Variants in HPSE2 observed in about 807,000 individuals in gnomAD.
HPSE2 encodes the protein heparanase 2 (inactive), also known as inactive heparanase-2.
A neutral mutation model predicts 60.5 loss-of-function variants in HPSE2; 38 were observed. The observed-to-expected ratio is 0.63, with a 90% CI of 0.48 to 0.82. The LOEUF (loss-of-function observed/expected upper bound fraction) is 0.82, where lower values mean the gene tolerates loss of function less well. Among genes scored for constraint, HPSE2 ranks in the 40% least tolerant of loss-of-function variants. The pLI is 0.00. For missense variants in HPSE2, 713 were observed against 740.4 expected (o/e 0.96, Z 0.43); for synonymous variants, 295 against 293.2 (o/e 1.01, Z -0.06).
chr10:98,893,666 G>A (rs1319815285), intron 3 of HPSE2, among the ~76,000 whole-genome samples: 1 of 152,068 alleles, frequency 6.6e-6, no homozygotes, highest in Non-Finnish European at 1.5e-5. Context: ...TAGTGAGCTG[G>A]TAAGAAAGTA....
At chr10:98,877,436 C>T (rs908504136) in intron 3 of HPSE2, among the ~76,000 whole-genome samples, 2 of 151,812 alleles carry the variant, frequency 1.3e-5, no homozygotes, top group Non-Finnish European at 2.9e-5. Flanking sequence ...AATCCTAGCT[C>T]CATTGCTTCT....
intron 7 of HPSE2, among the ~76,000 whole-genome samples, chr10:98,625,255 T>C (rs1400210755): frequency 6.6e-6 from 1 of 152,140 alleles, no homozygotes; most frequent in African/African-American, 2.4e-5. Context: ...AAAACGACCT[T>C]AGAGATCAGG....
chr10:99,101,661 C>A (rs551625628), intron 3 of HPSE2, among the ~76,000 whole-genome samples: 2 of 152,178 alleles, frequency 1.3e-5, no homozygotes, highest in Admixed American at 1.3e-4. Flanking sequence ...AACTCTCCAC[C>A]CCAAATCAAC....
At chr10:98,840,957 T>C (rs76470102) in intron 3 of HPSE2, among the ~76,000 whole-genome samples, 5,108 of 152,330 alleles carry the variant, frequency 0.034, 107 homozygotes, top group Middle Eastern at 0.065. Context: ...TTAACACTTA[T>C]GAACTTAAAA....
intron 3 of HPSE2, among the ~76,000 whole-genome samples, chr10:98,798,040 A>G (rs1950820617): frequency 6.6e-6 from 1 of 152,138 alleles, no homozygotes; most frequent in African/African-American, 2.4e-5. Flanking sequence ...AAGCTCCCAA[A>G]GGTCAAGAAT....
At position 98,923,932 on chromosome 10, in the gene HPSE2, T is replaced by C. The variant is rs138110826; in HGVS notation, c.611-179876A>G. ...ACCTCATTTAGTTCATTTGGTGAAG[T>C]AATGTTTTCCTGAATGATGTTGGCA... On this transcript the variant is annotated intron_variant, in intron 3 of 11. Coordinates refer to ENST00000370552, the MANE Select transcript of HPSE2 (RefSeq NM_021828.5). Among the ~76,000 whole-genome samples, 11 of 152,318 alleles carry C rather than the reference T, an allele frequency of 7.2e-5. No individual in the cohort carries two copies. In the East Asian group the frequency reaches 2.1e-3, roughly 29 times the overall value.
chr10:99,274,557 T>C, the HPSE2 span, among the ~76,000 whole-genome samples: 2 of 152,174 alleles, frequency 1.3e-5, no homozygotes, highest in Admixed American at 1.3e-4. Flanking sequence ...TACTTAAATA[T>C]GTCAAGCCTG....
rs35286605 is a variant in HPSE2, at chr10:98,628,917, G to GAA, written c.1099-8211_1099-8210dup. On this transcript the variant is annotated intron_variant, in intron 7 of 11. Coordinates refer to ENST00000370552, the MANE Select transcript of HPSE2 (RefSeq NM_021828.5). ...CACTTTGAATTAAAAAAAGAAAAAA[G>GAA]AAAAAAAAAACAGTAAAAATAAGAA... Among the ~76,000 whole-genome samples, 15 of 148,890 alleles carry GAA rather than the reference G, an allele frequency of 1.0e-4. No homozygotes were observed. The South Asian group carries it at 1.7e-3, about 17-fold the overall frequency.
intron 3 of HPSE2, among the ~76,000 whole-genome samples, chr10:99,029,977 C>T (rs1301274387): frequency 6.6e-6 from 1 of 152,212 alleles, no homozygotes; most frequent in Non-Finnish European, 1.5e-5. Flanking sequence ...TTCCCAGACA[C>T]TGGTGTCACC....
chr10:99,251,862 CAAAA>C, the HPSE2 span, among the ~76,000 whole-genome samples: 2,138 of 57,230 alleles, frequency 0.037, 50 homozygotes, highest in African/African-American at 0.13. Context: ...CTCTCTCTAC[CAAAA>C]AAAAAAAAAA....
intron 10 of HPSE2, among the ~76,000 whole-genome samples, chr10:98,488,274 C>T (rs946392724): frequency 1.3e-5 from 2 of 152,114 alleles, no homozygotes; most frequent in African/African-American, 2.4e-5. Context: ...TGGCTGATGT[C>T]GTAATATCAA....
chr10:99,202,012 C>T (rs2805375), intron 2 of HPSE2, among the ~76,000 whole-genome samples: 131,841 of 152,170 alleles, frequency 0.87, 57,399 homozygotes, highest in African/African-American at 0.94. Context: ...GTAAATAAAA[C>T]GAGATCACTG....
At chr10:98,637,703 G>T (rs756671370) in intron 7 of HPSE2, among the ~76,000 whole-genome samples, 5 of 152,152 alleles carry the variant, frequency 3.3e-5, no homozygotes, top group Non-Finnish European at 7.3e-5. Flanking sequence ...CTCCCACATG[G>T]CGTCATTTTG....
intron 9 of HPSE2, among the ~76,000 whole-genome samples, chr10:98,550,503 C>G (rs960565296): frequency 6.6e-6 from 1 of 150,502 alleles, no homozygotes; most frequent in Non-Finnish European, 1.5e-5. Context: ...GAGTCTTGCT[C>G]TGTTGCCCAG....
chr10:98,974,111 A>C (rs1956027356), intron 3 of HPSE2, among the ~76,000 whole-genome samples: 1 of 151,766 alleles, frequency 6.6e-6, no homozygotes. Flanking sequence ...GCCAACATGG[A>C]AAAACCCCAT....
intron 3 of HPSE2, among the ~76,000 whole-genome samples, chr10:99,079,970 T>G (rs1275782057): frequency 6.6e-6 from 1 of 152,164 alleles, no homozygotes; most frequent in Non-Finnish European, 1.5e-5. Context: ...AGGAGGTTTC[T>G]TTCTGATTGT....
chr10:99,268,255 T>C, the HPSE2 span, among the ~76,000 whole-genome samples: 1 of 152,138 alleles, frequency 6.6e-6, no homozygotes, highest in Non-Finnish European at 1.5e-5. Flanking sequence ...GATGAGAGAA[T>C]TTGCCACTAC....
chr10:99,261,056 T>C, the HPSE2 span, among the ~76,000 whole-genome samples: 1 of 152,190 alleles, frequency 6.6e-6, no homozygotes, highest in Non-Finnish European at 1.5e-5. Context: ...TGTCAAAAAA[T>C]GGTCAAATGG....
At chr10:99,155,870 G>T (rs1039399404) in intron 2 of HPSE2, among the ~76,000 whole-genome samples, 7 of 151,232 alleles carry the variant, frequency 4.6e-5, no homozygotes, top group African/African-American at 1.7e-4. Context: ...GACTAATAAA[G>T]AAAAAAAGAA....
Sources: gnomAD v4.1 joint callset for allele counts (sites outside exome capture counted in the v4.1 genomes callset) on GRCh38, gnomAD v4.1.1 for gene constraint, MANE v1.5 for transcripts, NCBI Gene and HGNC (gene_info 2026-07-23, HGNC 2026-07-21) for gene names.